Variants in IKZF3 observed in about 807,000 individuals in gnomAD.
IKZF3 encodes the protein zinc finger protein Aiolos.
Under a neutral mutation model 49.0 loss-of-function variants are expected in IKZF3, and 10 were observed. That is an observed-to-expected ratio of 0.20 (90% CI 0.13 to 0.35). The LOEUF is 0.35. Ranked by LOEUF, IKZF3 falls within the 10% of genes least tolerant of loss-of-function variation. The probability of loss-of-function intolerance (pLI) is 1.00; values close to 1 mark genes in which losing one functional copy is unlikely to be tolerated. For synonymous variants in IKZF3, 209 were observed against 228.2 expected (o/e 0.92, Z 0.76); for missense variants, 498 against 664.8 (o/e 0.75, Z 2.76).
At chr17:39,837,596 C>T (rs553915472) in intron 1 of IKZF3, among the ~76,000 whole-genome samples, 1 of 151,180 alleles carries the variant, frequency 6.6e-6, no homozygotes, top group South Asian at 2.1e-4. Flanking sequence ...CCTTCCAGCT[C>T]TTTTAAGATG....
chr17:39,802,774 T>G (rs2061352229), intron 3 of IKZF3, among the ~76,000 whole-genome samples: 1 of 147,430 alleles, frequency 6.8e-6, no homozygotes, highest in Non-Finnish European at 1.5e-5. Flanking sequence ...TGAGCTGTGA[T>G]CATGCCACTG....
intron 3 of IKZF3, among the ~76,000 whole-genome samples, chr17:39,812,426 G>C (rs560213976): frequency 5.3e-5 from 8 of 152,086 alleles, no homozygotes; most frequent in Non-Finnish European, 1.2e-4. Flanking sequence ...ACCAGCTCAG[G>C]ATCGGGGAAG....
chr17:39,771,263 A>C (rs144922838), intron 7 of IKZF3, among the ~76,000 whole-genome samples: 1 of 152,202 alleles, frequency 6.6e-6, no homozygotes, highest in Admixed American at 6.5e-5. Context: ...TGCTTTTTCC[A>C]CATGGACCAG....
intron 1 of IKZF3, among the ~76,000 whole-genome samples, chr17:39,863,726 A>G: frequency 6.6e-6 from 1 of 152,164 alleles, no homozygotes; most frequent in East Asian, 1.9e-4. Flanking sequence ...TTGGAAGAAA[A>G]CAAGTTACTC....
chr17:39,807,813 T>A (rs1294981397), intron 3 of IKZF3, among the ~76,000 whole-genome samples: 1 of 152,158 alleles, frequency 6.6e-6, no homozygotes, highest in Non-Finnish European at 1.5e-5. Flanking sequence ...ATTCCATTTA[T>A]ATGAAATACC....
intron 1 of IKZF3, among the ~76,000 whole-genome samples, chr17:39,845,526 A>G (rs942762214): frequency 6.6e-6 from 1 of 150,984 alleles, no homozygotes; most frequent in African/African-American, 2.5e-5. Flanking sequence ...TCTGTCTCCA[A>G]AAAAGAAAAA....
At position 39,763,535 on chromosome 17, in the gene IKZF3, C is replaced by T. The variant is rs1361933628; in HGVS notation, c.*2255G>A. The T allele has an allele frequency of 6.6e-6, 1 of 152,076 alleles. No homozygotes were observed. The highest frequency in any genetic ancestry group is 1.5e-5 in the Non-Finnish European group (1 of 68,010). 9.4% of individuals were successfully genotyped at this position (152,076 alleles called of 1,614,324 possible). On this transcript the variant is annotated 3_prime_UTR_variant, in exon 8 of 8. Transcript: ENST00000346872. ...GGCTTTGGCAAACAGCTGCATGTGC[C>T]AATTTGTGTGTATGCTTTGTGGCAA... is the stretch of plus-strand genomic sequence containing the variant.
At chr17:39,839,785 G>A (rs548556842) in intron 1 of IKZF3, among the ~76,000 whole-genome samples, 15 of 152,018 alleles carry the variant, frequency 9.9e-5, no homozygotes, top group Non-Finnish European at 1.5e-4. Context: ...TTAGCCTCTC[G>A]AGTAGCTGGG....
intron 1 of IKZF3, chr17:39,835,495 T>C (rs2062247232): frequency 4.5e-6 from 2 of 441,888 alleles, no homozygotes; most frequent in Admixed American, 5.2e-5. Context: ...GATCTCCGTC[T>C]TTGTACAACG....
intron 1 of IKZF3, among the ~76,000 whole-genome samples, chr17:39,836,590 AGTT>A (rs1483926094): frequency 1.3e-5 from 2 of 152,224 alleles, no homozygotes; most frequent in Non-Finnish European, 2.9e-5. Context: ...ATTTTTGACT[AGTT>A]GTTTAGTTGC....
rs971293415 is a variant in IKZF3, at chr17:39,761,312, TTC to T, written c.*4476_*4477del. ...GAAACTAAAGACTGATGAGTTCATT[TTC>T]TCTCTTTTTTTTTTCTGGTGGTAGT... On this transcript the variant is annotated 3_prime_UTR_variant, in exon 8 of 8. Coordinates refer to ENST00000346872, the MANE Select transcript of IKZF3 (RefSeq NM_012481.5). 41 of 152,280 alleles carry T rather than the reference TTC, an allele frequency of 2.7e-4. No homozygotes were observed. The highest frequency in any genetic ancestry group is 9.4e-4 in the African/African-American group (39 of 41,556). 9.4% of individuals were successfully genotyped at this position (152,280 alleles called of 1,614,324 possible).
At chr17:39,823,851 G>T (rs545140187) in intron 3 of IKZF3, among the ~76,000 whole-genome samples, 2 of 152,350 alleles carry the variant, frequency 1.3e-5, no homozygotes, top group Admixed American at 1.3e-4. Flanking sequence ...CCAGACAGAA[G>T]TTCGCTACAG....
chr17:39,852,655 G>A (rs1047842846), intron 1 of IKZF3, among the ~76,000 whole-genome samples: 11 of 152,168 alleles, frequency 7.2e-5, no homozygotes, highest in African/African-American at 2.2e-4. Flanking sequence ...CTGTTTAGGT[G>A]ATCCCATTCA....
intron 6 of IKZF3, chr17:39,778,098 A>G (rs1020362571): frequency 6.9e-6 from 7 of 1,014,308 alleles, no homozygotes; most frequent in Non-Finnish European, 8.2e-6. Flanking sequence ...ACCCCCGATC[A>G]GCCTTCTTTC....
intron 1 of IKZF3, among the ~76,000 whole-genome samples, chr17:39,832,384 C>A (rs918959799): frequency 6.6e-6 from 1 of 151,652 alleles, no homozygotes; most frequent in Non-Finnish European, 1.5e-5. Flanking sequence ...TCTACTTACA[C>A]CAAGAACAAT....
chr17:39,794,149 G>A (rs188223027), intron 3 of IKZF3, among the ~76,000 whole-genome samples: 4 of 152,290 alleles, frequency 2.6e-5, no homozygotes, highest in East Asian at 1.9e-4. Context: ...TGGGAGCAGA[G>A]ATGTTTTTGG....
rs767773895 is a variant in IKZF3, at chr17:39,758,341, A to G, written c.*7449T>C. 2.0e-5 allele frequency: 3 copies of G among 152,168 alleles called. No homozygotes were observed. The highest frequency in any genetic ancestry group is 4.4e-5 in the Non-Finnish European group (3 of 68,030). The allele number at this position is 152,168 out of a possible 1,614,324, so 9.4% of individuals were successfully genotyped here. A position where few individuals can be genotyped will look rare whatever the true frequency, so the allele number is the denominator to read the frequency against. On this transcript the variant is annotated 3_prime_UTR_variant, in exon 8 of 8. Coordinates refer to ENST00000346872, the MANE Select transcript of IKZF3 (RefSeq NM_012481.5). ...TGAACCCACAGAAGCAGGCCCACCA[A>G]AAAGGGCCTTGTCTGCTAGCCTGGA...
At chr17:39,842,845 T>C (rs1568051661) in intron 1 of IKZF3, among the ~76,000 whole-genome samples, 1 of 152,218 alleles carries the variant, frequency 6.6e-6, no homozygotes, top group Non-Finnish European at 1.5e-5. Flanking sequence ...CTGTTCGATA[T>C]CACTGTAACT....
At chr17:39,815,215 G>A (rs977395030) in intron 3 of IKZF3, among the ~76,000 whole-genome samples, 6 of 152,188 alleles carry the variant, frequency 3.9e-5, no homozygotes, top group African/African-American at 1.4e-4. Flanking sequence ...TGGCAAAGAC[G>A]GGAATCCAAT....
Sources: gnomAD v4.1 joint callset for allele counts (sites outside exome capture counted in the v4.1 genomes callset) on GRCh38, gnomAD v4.1.1 for gene constraint, MANE v1.5 for transcripts, NCBI Gene and HGNC (gene_info 2026-07-23, HGNC 2026-07-21) for gene names.